The following KNTC1 variants were observed in gnomAD, a reference collection of about 807,000 sequenced individuals.
KNTC1 encodes the protein kinetochore associated 1.
KNTC1 carries 253 observed loss-of-function variants against 314.4 expected under a neutral mutation model. That is an observed-to-expected ratio of 0.80 (90% CI 0.73 to 0.89). The LOEUF (loss-of-function observed/expected upper bound fraction) is 0.89. Ranked by LOEUF, KNTC1 falls within the 40% of genes least tolerant of loss-of-function variation. The pLI is 0.00. For synonymous variants in KNTC1, 901 were observed against 901.4 expected, an observed-to-expected ratio of 1.00 and a Z score of 0.01; for missense variants, 2,475 against 2,572.9, an observed-to-expected ratio of 0.96 and a Z score of 0.82.
chr12:122,594,090 C>G (rs866523948), intron 42 of KNTC1, 186 bp from the exon 43 acceptor site: 3 of 553,108 alleles, frequency 5.4e-6, no homozygotes, highest in Non-Finnish European at 9.6e-6. Flanking sequence ...AGAGGAGTTT[C>G]GGACCCATGT....
intron 30 of KNTC1, 64 bp downstream of exon 30, chr12:122,577,093 T>C: frequency 1.5e-6 from 2 of 1,312,008 alleles, no homozygotes; most frequent in Non-Finnish European, 2.0e-6. Context: ...GTTGTTGTTT[T>C]TTGAGACAGG....
chr12:122,604,776 C>A, intron 49 of KNTC1, 101 bp from the exon 50 acceptor site: 1 of 1,292,902 alleles, frequency 7.7e-7, no homozygotes, highest in Non-Finnish European at 1.1e-6. Context: ...AGGAACATAA[C>A]TGAGGAAGGG....
chr12:122,580,329 A>G (rs1473005101), intron 32 of KNTC1, among the ~76,000 whole-genome samples: 3 of 152,252 alleles, frequency 2.0e-5, no homozygotes, highest in Non-Finnish European at 4.4e-5. Context: ...CAGTGAAGAA[A>G]GTAACTTTCC....
intron 53 of KNTC1, chr12:122,612,830 A>T: frequency 3.5e-6 from 1 of 286,586 alleles, no homozygotes; most frequent in Non-Finnish European, 6.5e-6. Context: ...TTGCTTTTGC[A>T]CAGTCAGTGC....
Position 122,549,769 on chromosome 12 carries a change from A to G in KNTC1, c.991A>G (p.Lys331Glu), listed in dbSNP as rs1487803789. 8.8e-6 allele frequency: 13 copies of G among 1,471,570 alleles called. No individual in the cohort carries two copies. The highest frequency in any genetic ancestry group is 1.2e-5 in the Non-Finnish European group (13 of 1,068,452). The allele number at this position is 1,471,570 out of a possible 1,614,324, so 91.2% of individuals were successfully genotyped here. Residue 331 changes from lysine (K) to glutamate (E), a missense_variant, in exon 13 of 64, where the codon AAA becomes GAA. Lys to Glu is a moderately conservative substitution (Grantham distance 56). Coordinates refer to ENST00000333479, the MANE Select transcript of KNTC1 (RefSeq NM_014708.6). ...ALTASANKKMKNLMVYSLPTM... is the reference protein window; with the variant it reads ...ALTASANKKMENLMVYSLPTM... Reference sequence around the variant, plus strand: ...ATTGCTCTGCTATTTTTCTTAGATGAAAAACCTCATGGTTTATTCATTACC... The same window carrying G: ...ATTGCTCTGCTATTTTTCTTAGATGGAAAACCTCATGGTTTATTCATTACC...
At chr12:122,571,180 GT>G in intron 24 of KNTC1, 54 bp downstream of exon 24, 1 of 1,340,840 alleles carries the variant, frequency 7.5e-7, no homozygotes, top group Non-Finnish European at 1.1e-6. Context: ...ACCTGAAAGG[GT>G]TTGTCTGCAT....
intron 44 of KNTC1, among the ~76,000 whole-genome samples, chr12:122,600,338 A>T (rs1871686902): frequency 6.6e-6 from 1 of 152,152 alleles, no homozygotes; most frequent in Admixed American, 6.5e-5. Context: ...ACCTCAGGTG[A>T]TCCACCTGCC....
Position 122,565,574 on chromosome 12 carries a change from T to C in KNTC1, c.1605-2687T>C, listed in dbSNP as rs535180004. 2.8e-4 allele frequency among the ~76,000 whole-genome samples: 42 copies of C among 152,084 alleles called. No homozygotes were observed. In the East Asian group the frequency reaches 6.4e-3, roughly 23 times the overall value. On this transcript the variant is annotated intron_variant, in intron 20 of 63. Transcript: ENST00000333479. ...ATTTTTATGTCTGTTTGGAAAAATA[T>C]TACCCACCGCAAGATTAAAAATAAA...
chr12:122,591,444 T>C lies in KNTC1; in HGVS notation c.4236T>C (p.Gly1412=), dbSNP rs778497019. 3.2e-6 allele frequency: 5 copies of C among 1,547,436 alleles called. No individual in the cohort carries two copies. The East Asian group carries it at 6.7e-5, about 21-fold the overall frequency. The part of the protein sequence containing the change: ...STDAQWGIRL[G]KLGISFQPVF... ...ATGCCCAGTGGGGCATTCGTCTTGGTAAACTTGGTGTGAGTATTCTTTGTA... is the reference window on the plus strand; with the variant it reads ...ATGCCCAGTGGGGCATTCGTCTTGGCAAACTTGGTGTGAGTATTCTTTGTA... Residue 1412 remains glycine, a synonymous_variant, in exon 42 of 64, where the codon GGT becomes GGC. Coordinates refer to ENST00000333479, the MANE Select transcript of KNTC1 (RefSeq NM_014708.6).
At chr12:122,606,222 CTTTTTTTTTT>C (rs34344479) in intron 51 of KNTC1, among the ~76,000 whole-genome samples, 4 of 109,786 alleles carry the variant, frequency 3.6e-5, no homozygotes, top group South Asian at 3.0e-4. Flanking sequence ...AGATTGTTTA[CTTTTTTTTTT>C]TTTTTTTTTT....
chr12:122,576,448 A>G (rs1478075275), intron 29 of KNTC1, among the ~76,000 whole-genome samples: 4 of 152,160 alleles, frequency 2.6e-5, no homozygotes, highest in African/African-American at 4.8e-5. Context: ...TGGGAGGCCA[A>G]GGTGGGTGGA....
At chr12:122,591,916 T>C (rs374934146) in intron 42 of KNTC1, among the ~76,000 whole-genome samples, 1 of 152,228 alleles carries the variant, frequency 6.6e-6, no homozygotes, top group East Asian at 1.9e-4. Context: ...GGGCTCCCAC[T>C]TTGGCGGCAC....
chr12:122,616,556 C>T (rs982367286), intron 57 of KNTC1, among the ~76,000 whole-genome samples: 5 of 152,140 alleles, frequency 3.3e-5, no homozygotes, highest in Admixed American at 6.6e-5. Flanking sequence ...CCACCGCACC[C>T]GGCCGAGATT....
chr12:122,560,455 G>T (rs575709327), intron 18 of KNTC1, among the ~76,000 whole-genome samples: 5 of 152,024 alleles, frequency 3.3e-5, no homozygotes, highest in Admixed American at 3.3e-4. Flanking sequence ...TGCAACCTCT[G>T]CCCACCCCCC....
In KNTC1 at chr12:122,546,977, C is replaced by T. The variant is rs561043465; in HGVS notation, c.816+303C>T. Among the ~76,000 whole-genome samples the T allele has an allele frequency of 9.4e-5, 14 of 148,876 alleles. No homozygotes were observed. In the South Asian group the frequency reaches 2.8e-3, roughly 30 times the overall value. ...CCTCCTGAGTAGCTGGGATTACAGGCGCCCATCACCACGCCCGGCTAATTT... is the reference window on the plus strand; with the variant it reads ...CCTCCTGAGTAGCTGGGATTACAGGTGCCCATCACCACGCCCGGCTAATTT... On this transcript the variant is annotated intron_variant, in intron 10 of 63. Transcript: ENST00000333479.
chr12:122,602,516 C>A, intron 45 of KNTC1, 53 bp from the exon 46 acceptor site: 2 of 1,091,820 alleles, frequency 1.8e-6, no homozygotes, highest in Non-Finnish European at 2.7e-6. Context: ...GATTTTATGA[C>A]AGTTTAGGAT....
intron 4 of KNTC1, among the ~76,000 whole-genome samples, 166 bp from the exon 5 acceptor site, chr12:122,539,509 AT>A (rs953469682): frequency 3.3e-5 from 5 of 152,176 alleles, no homozygotes; most frequent in East Asian, 1.9e-4. Context: ...TCTTGAAGGT[AT>A]TTAGTACACT....
intron 44 of KNTC1, among the ~76,000 whole-genome samples, 174 bp from the exon 45 acceptor site, chr12:122,601,362 G>A (rs1000374272): frequency 6.6e-6 from 1 of 152,192 alleles, no homozygotes; most frequent in Non-Finnish European, 1.5e-5. Context: ...TAGGATTACA[G>A]GCGTGAGCCA....
chr12:122,595,166 G>A (rs1870867906), intron 43 of KNTC1, among the ~76,000 whole-genome samples: 1 of 152,228 alleles, frequency 6.6e-6, no homozygotes, highest in South Asian at 2.1e-4. Context: ...GTGAGCCACT[G>A]CGCCTGAACA....
Sources: allele counts gnomAD v4.1 joint callset (sites outside exome capture counted in the v4.1 genomes callset), GRCh38; gene constraint gnomAD v4.1.1; transcripts MANE v1.5; gene names NCBI Gene and HGNC (gene_info 2026-07-23, HGNC 2026-07-21).